FOXN3: variants seen among roughly 807,000 people sequenced by gnomAD.
FOXN3 encodes forkhead box N3.
A neutral mutation model predicts 38.4 loss-of-function variants in FOXN3; 7 were observed. The observed-to-expected ratio is 0.18, with a 90% CI of 0.10 to 0.34. The LOEUF (loss-of-function observed/expected upper bound fraction) is 0.34, where lower values mean the gene tolerates loss of function less well. FOXN3 is among the 10% of genes least tolerant of loss of function. The pLI, the probability that FOXN3 is intolerant of heterozygous loss-of-function variation, is 1.00. For synonymous variants in FOXN3, 230 were observed against 242.2 expected, an observed-to-expected ratio of 0.95 and a Z score of 0.47; for missense variants, 456 against 613.4, an observed-to-expected ratio of 0.74 and a Z score of 2.71.
At chr14:89,469,115 C>T (rs776551625) in intron 1 of FOXN3, among the ~76,000 whole-genome samples, 1 of 152,192 alleles carries the variant, frequency 6.6e-6, no homozygotes, top group Non-Finnish European at 1.5e-5. Flanking sequence ...GTTGAGAACT[C>T]TTTAATTTGC....
At chr14:89,535,204 CTTTT>C (rs11455930) in intron 1 of FOXN3, among the ~76,000 whole-genome samples, 1 of 145,092 alleles carries the variant, frequency 6.9e-6, no homozygotes, top group Non-Finnish European at 1.5e-5. Context: ...TTTCTTTCCT[CTTTT>C]TTTTTTTTTA....
At chr14:89,421,145 C>CTTTT (rs570024684), upstream of FOXN3, among the ~76,000 whole-genome samples, 100 of 108,152 alleles carry the variant, frequency 9.2e-4, no homozygotes, top group Middle Eastern at 4.5e-3. Context: ...TTCTTTCTTT[C>CTTTT]TTTTTTTTTT....
intron 3 of FOXN3, among the ~76,000 whole-genome samples, chr14:89,307,625 C>G (rs967633928): frequency 6.6e-6 from 1 of 152,060 alleles, no homozygotes; most frequent in Non-Finnish European, 1.5e-5. Flanking sequence ...CTCCATTTAC[C>G]GAGCCACAGT....
chr14:89,581,546 C>T (rs921496835), intron 1 of FOXN3, among the ~76,000 whole-genome samples: 1 of 151,928 alleles, frequency 6.6e-6, no homozygotes, highest in Non-Finnish European at 1.5e-5. Flanking sequence ...TTCCCTGGGT[C>T]ACTTGTATGA....
rs150539868 is a variant in FOXN3, at chr14:89,272,316, A to G, written c.745+8634T>C. 5.9e-3 allele frequency among the ~76,000 whole-genome samples: 901 copies of G among 152,270 alleles called. 12 individuals are homozygous for G. Among genetic ancestry groups the G allele is most frequent in the African/African-American group, 0.021 (860 of 41,530 alleles). On this transcript the variant is annotated intron_variant, in intron 4 of 5. Coordinates refer to ENST00000557258, the MANE Select transcript of FOXN3 (RefSeq NM_005197.4). The stretch of plus-strand genomic sequence containing the variant: ...TGACAGAGCGAAACTCTGTTTCAAA[A>G]AAAAAGAAGTGATGGTTGCACAATG...
chr14:89,242,620 T>G (rs1343070755), intron 4 of FOXN3, among the ~76,000 whole-genome samples: 1 of 152,166 alleles, frequency 6.6e-6, no homozygotes, highest in African/African-American at 2.4e-5. Flanking sequence ...AGTAATCTTC[T>G]CATAATCATC....
intron 4 of FOXN3, among the ~76,000 whole-genome samples, chr14:89,258,985 C>A (rs1042069614): frequency 6.6e-6 from 1 of 152,218 alleles, no homozygotes; most frequent in South Asian, 2.1e-4. Context: ...TGGCCACTTG[C>A]CTAGCTTAGT....
At chr14:89,530,712 G>C (rs1387037392) in intron 1 of FOXN3, among the ~76,000 whole-genome samples, 3 of 151,246 alleles carry the variant, frequency 2.0e-5, no homozygotes, top group Middle Eastern at 3.4e-3. Flanking sequence ...TGGGTTCAAG[G>C]GATTCTCCTG....
chr14:89,289,564 C>T (rs1252274070), intron 3 of FOXN3, among the ~76,000 whole-genome samples: 2 of 152,148 alleles, frequency 1.3e-5, no homozygotes, highest in Admixed American at 1.3e-4. Flanking sequence ...TTTCAAATGA[C>T]ACGGTAGAAA....
chr14:89,353,279 G>A (rs949216718), intron 2 of FOXN3: 3 of 152,144 alleles, frequency 2.0e-5, no homozygotes, highest in African/African-American at 7.2e-5. Flanking sequence ...CCTACCTACA[G>A]GTACTCAATA....
At chr14:89,271,614 C>T (rs1367829100) in intron 4 of FOXN3, among the ~76,000 whole-genome samples, 1 of 152,136 alleles carries the variant, frequency 6.6e-6, no homozygotes, top group Non-Finnish European at 1.5e-5. Context: ...TGGGTGGGTT[C>T]CTCTCACTGT....
At chr14:89,510,767 C>T (rs893294485) in intron 1 of FOXN3, among the ~76,000 whole-genome samples, 2 of 152,154 alleles carry the variant, frequency 1.3e-5, no homozygotes, top group Admixed American at 1.3e-4. Context: ...CATGGTGAAA[C>T]ACCGGCCCTA....
intron 1 of FOXN3, among the ~76,000 whole-genome samples, chr14:89,437,187 A>C (rs1892291111): frequency 1.5e-5 from 2 of 135,416 alleles, no homozygotes; most frequent in African/African-American, 5.5e-5. Flanking sequence ...AAAACAAAAC[A>C]AAACAAAAAA....
At chr14:89,477,715 A>G (rs1365783771) in intron 1 of FOXN3, among the ~76,000 whole-genome samples, 3 of 152,222 alleles carry the variant, frequency 2.0e-5, no homozygotes, top group Non-Finnish European at 2.9e-5. Flanking sequence ...GCTTTCAGCA[A>G]CAAATAAGGA....
chr14:89,211,113 A>T (rs560770154), intron 4 of FOXN3, among the ~76,000 whole-genome samples: 26 of 152,354 alleles, frequency 1.7e-4, no homozygotes, highest in African/African-American at 5.8e-4. Flanking sequence ...TTACCTTTCA[A>T]CTAGAATATA....
At chr14:89,528,085 T>C (rs1204472841) in intron 1 of FOXN3, among the ~76,000 whole-genome samples, 1 of 152,168 alleles carries the variant, frequency 6.6e-6, no homozygotes, top group Non-Finnish European at 1.5e-5. Context: ...ATAGCACAAA[T>C]ACTTTGAGAA....
intron 1 of FOXN3, among the ~76,000 whole-genome samples, chr14:89,616,281 T>C (rs1245856261): frequency 1.3e-5 from 2 of 152,108 alleles, no homozygotes; most frequent in Non-Finnish European, 2.9e-5. Flanking sequence ...ACCAAGATAC[T>C]GGAAATATTT....
At chr14:89,533,032 A>G (rs1439374274) in intron 1 of FOXN3, among the ~76,000 whole-genome samples, 1 of 152,248 alleles carries the variant, frequency 6.6e-6, no homozygotes, top group Non-Finnish European at 1.5e-5. Flanking sequence ...TGTTATACTC[A>G]GGCTCCCCCA....
intron 1 of FOXN3, among the ~76,000 whole-genome samples, chr14:89,576,025 A>C (rs1895606108): frequency 6.6e-6 from 1 of 152,210 alleles, no homozygotes; most frequent in Non-Finnish European, 1.5e-5. Context: ...TCCATCGCTG[A>C]CATCGTAAGT....
Sources: gnomAD v4.1 joint callset for allele counts (sites outside exome capture counted in the v4.1 genomes callset) on GRCh38, gnomAD v4.1.1 for gene constraint, MANE v1.5 for transcripts, NCBI Gene and HGNC (gene_info 2026-07-23, HGNC 2026-07-21) for gene names.